SLC8A1: variants seen among roughly 807,000 people sequenced by gnomAD.
The protein encoded by SLC8A1 is sodium/calcium exchanger 1.
In SLC8A1, 18 loss-of-function variants were observed where a neutral mutation model predicts 68.3. The observed-to-expected ratio is 0.26, with a 90% CI of 0.18 to 0.39. The LOEUF is 0.39. SLC8A1 is among the 10% of genes least tolerant of loss of function. The pLI is 1.00. For missense variants in SLC8A1, 985 were observed against 1,156.7 expected, an observed-to-expected ratio of 0.85 and a Z score of 2.15; for synonymous variants, 475 against 415.5, an observed-to-expected ratio of 1.14 and a Z score of -1.74.
rs544817979 is a variant in SLC8A1, at chr2:40,253,264, T to C, written c.1809-75409A>G. Among the ~76,000 whole-genome samples the C allele has an allele frequency of 5.3e-5, 8 of 150,626 alleles. No individual in the cohort carries two copies. In the South Asian group the frequency reaches 1.5e-3, roughly 27 times the overall value. ...GTATATACACATATGTATACATATA[T>C]ACATGTACATATGACGTATATATGT... On this transcript the variant is annotated intron_variant, in intron 2 of 7. Coordinates refer to ENST00000406785, the Ensembl canonical transcript of SLC8A1.
chr2:40,409,831 G>C (rs1691536155), intron 2 of SLC8A1, among the ~76,000 whole-genome samples: 1 of 152,118 alleles, frequency 6.6e-6, no homozygotes, highest in South Asian at 2.1e-4. Flanking sequence ...TGGTCCCCTT[G>C]ATCCTGCTTT....
intron 1 of SLC8A1, among the ~76,000 whole-genome samples, chr2:40,457,704 CT>C (rs1287040090): frequency 6.6e-6 from 1 of 152,194 alleles, no homozygotes; most frequent in African/African-American, 2.4e-5. Flanking sequence ...TTTTCCCATT[CT>C]TTTAAAAGTA....
At chr2:40,268,420 T>G (rs2065627281) in intron 2 of SLC8A1, among the ~76,000 whole-genome samples, 1 of 152,138 alleles carries the variant, frequency 6.6e-6, no homozygotes, top group South Asian at 2.1e-4. Flanking sequence ...TTTCATGCAC[T>G]TGGATAATAC....
intron 2 of SLC8A1, among the ~76,000 whole-genome samples, chr2:40,321,146 G>T (rs567284001): frequency 6.6e-6 from 1 of 152,194 alleles, no homozygotes; most frequent in Admixed American, 6.5e-5. Context: ...AATTAAAGGG[G>T]ATATGAGACA....
intron 2 of SLC8A1, among the ~76,000 whole-genome samples, chr2:40,335,461 T>G (rs1219307618): frequency 3.3e-5 from 5 of 152,254 alleles, no homozygotes; most frequent in Admixed American, 1.3e-4. Flanking sequence ...TATATTGTGT[T>G]GTCAAGTTAA....
At chr2:40,460,018 CGTCAATGGT>C (rs77244696) in intron 1 of SLC8A1, among the ~76,000 whole-genome samples, 27,097 of 151,916 alleles carry the variant, frequency 0.18, 2,529 homozygotes, top group Middle Eastern at 0.25. Flanking sequence ...TGTTATTTAA[CGTCAATGGT>C]GTCAATGGTG....
intron 2 of SLC8A1, among the ~76,000 whole-genome samples, chr2:40,329,830 G>A (rs777881720): frequency 6.6e-6 from 1 of 152,094 alleles, no homozygotes; most frequent in African/African-American, 2.4e-5. Flanking sequence ...GTCCTGGCAC[G>A]CTGTCACAGA....
At chr2:40,307,186 C>A (rs143071954) in intron 2 of SLC8A1, among the ~76,000 whole-genome samples, 2 of 149,204 alleles carry the variant, frequency 1.3e-5, no homozygotes, top group Admixed American at 1.3e-4. Context: ...CATACACACA[C>A]ACACACCAAT....
chr2:40,451,017 G>C (rs1343869074), intron 1 of SLC8A1, among the ~76,000 whole-genome samples: 1 of 152,174 alleles, frequency 6.6e-6, no homozygotes, highest in Non-Finnish European at 1.5e-5. Context: ...TGGATTTAAA[G>C]AATCAAGGAT....
chr2:40,281,193 A>T (rs1016012573), intron 2 of SLC8A1, among the ~76,000 whole-genome samples: 1 of 152,162 alleles, frequency 6.6e-6, no homozygotes, highest in African/African-American at 2.4e-5. Flanking sequence ...GGGGCAGAAG[A>T]AAGTCTTAGC....
intron 2 of SLC8A1, among the ~76,000 whole-genome samples, chr2:40,184,389 C>A (rs1451013423): frequency 2.0e-5 from 3 of 152,038 alleles, no homozygotes; most frequent in Admixed American, 6.6e-5. Context: ...TTTGTTTTGT[C>A]TTTTACTCCT....
chr2:40,327,966 A>T (rs924268864), intron 2 of SLC8A1, among the ~76,000 whole-genome samples: 11 of 152,094 alleles, frequency 7.2e-5, no homozygotes, highest in Non-Finnish European at 1.5e-4. Flanking sequence ...TGAAAAAAAA[A>T]TACAGTATTT....
chr2:40,265,858 G>GA lies in SLC8A1; in HGVS notation c.1809-88004dup, dbSNP rs370833680. 3.3e-3 allele frequency among the ~76,000 whole-genome samples: 488 copies of GA among 149,336 alleles called. 1 individual carries two copies. The highest frequency in any genetic ancestry group is 8.2e-3 in the African/African-American group (335 of 40,784). ...TGCTGAAGGAAGTTCCAGGCATAAA[G>GA]AAAAAAAAAATCTACTAGCAGCCAA... On this transcript the variant is annotated intron_variant, in intron 2 of 7. Transcript: ENST00000406785.
At chr2:40,456,125 G>C (rs2149888477), upstream of SLC8A1, among the ~76,000 whole-genome samples, 2 of 152,176 alleles carry the variant, frequency 1.3e-5, no homozygotes, top group East Asian at 3.9e-4. Flanking sequence ...GACCATCCTG[G>C]CTAACATGGT....
chr2:40,410,091 C>A (rs1010083461), intron 2 of SLC8A1, among the ~76,000 whole-genome samples: 1 of 152,070 alleles, frequency 6.6e-6, no homozygotes, highest in East Asian at 1.9e-4. Flanking sequence ...GAAATAAAAA[C>A]TTTATGTTTT....
rs11320388 is a variant in SLC8A1 at position 40,359,931 on chromosome 2, T to TA, written c.1808+68541dup. ...AATATCTTTTACCCAGAGTTTAACT[T>TA]AAAAAAAAAAAAAAAACAGATACAT... On this transcript the variant is annotated intron_variant, in intron 2 of 7. Transcript: ENST00000406785. Among the ~76,000 whole-genome samples, 1,380 of 141,814 alleles carry TA rather than the reference T, an allele frequency of 9.7e-3. 9 individuals carry two copies. The highest frequency in any genetic ancestry group is 0.029 in the South Asian group (125 of 4,374). The allele number at this position is 141,814 out of a possible 152,430, so 93.0% of individuals were successfully genotyped here.
chr2:40,384,634 T>C (rs2149569843), intron 2 of SLC8A1, among the ~76,000 whole-genome samples: 1 of 152,290 alleles, frequency 6.6e-6, no homozygotes, highest in African/African-American at 2.4e-5. Flanking sequence ...ATAGTTGTAT[T>C]TTGTCATGAT....
At chr2:40,469,530 G>A (rs1043786633) in intron 1 of SLC8A1, among the ~76,000 whole-genome samples, 1 of 152,042 alleles carries the variant, frequency 6.6e-6, no homozygotes, top group African/African-American at 2.4e-5. Context: ...GTTCCTAATA[G>A]CAATGTGAAA....
exon 8 of SLC8A1, chr2:40,102,512 A>C (rs1270497531): frequency 1.3e-5 from 2 of 152,158 alleles, no homozygotes; most frequent in Non-Finnish European, 2.9e-5. Context: ...GGGACATGTA[A>C]TTAGAATCTG....
Sources: gnomAD v4.1 joint callset for allele counts (sites outside exome capture counted in the v4.1 genomes callset) on GRCh38, gnomAD v4.1.1 for gene constraint, MANE v1.5 for transcripts, NCBI Gene and HGNC (gene_info 2026-07-23, HGNC 2026-07-21) for gene names.